MFAP3L: variants seen among roughly 807,000 people sequenced by gnomAD.
The protein encoded by MFAP3L is microfibril associated protein 3 like.
In MFAP3L, 5 loss-of-function variants were observed where a neutral mutation model predicts 20.0. That is an observed-to-expected ratio of 0.25 (90% CI 0.13 to 0.53). The LOEUF is 0.53. MFAP3L is among the 20% of genes least tolerant of loss of function. The pLI, the probability that MFAP3L is intolerant of heterozygous loss-of-function variation, is 0.96. For missense variants in MFAP3L, 409 were observed against 527.5 expected (o/e 0.78, Z 2.20); for synonymous variants, 219 against 213.0 (o/e 1.03, Z -0.25).
At chr4:170,002,019 G>A (rs971520258) in intron 2 of MFAP3L, 5 of 985,328 alleles carry the variant, frequency 5.1e-6, no homozygotes, top group Non-Finnish European at 6.0e-6. Context: ...ATCACAAAGT[G>A]AATGGCAGTG....
chr4:169,999,254 T>C (rs781158831), intron 2 of MFAP3L, among the ~76,000 whole-genome samples: 1 of 152,150 alleles, frequency 6.6e-6, no homozygotes, highest in Non-Finnish European at 1.5e-5. Flanking sequence ...TCTTACATCA[T>C]GTAGAGCGAA....
At chr4:169,999,605 G>A (rs937123705) in intron 2 of MFAP3L, among the ~76,000 whole-genome samples, 12 of 152,094 alleles carry the variant, frequency 7.9e-5, no homozygotes, top group African/African-American at 2.9e-4. Context: ...TCCATTTTGG[G>A]AATCTTAGCT....
rs1393596154 is a variant in MFAP3L, at chr4:169,990,507, T to C, written c.*871A>G. 1 of 152,676 alleles carries C rather than the reference T, an allele frequency of 6.5e-6. No homozygotes were observed. The highest frequency in any genetic ancestry group is 1.5e-5 in the Non-Finnish European group (1 of 68,054). 9.5% of individuals were successfully genotyped at this position (152,676 alleles called of 1,614,324 possible). The stretch of plus-strand genomic sequence containing the variant: ...TCTTTATTTGGAGGATGATGTAACT[T>C]AAACAGTGACTTTCATGGGTGGTGT... On this transcript the variant is annotated 3_prime_UTR_variant, in exon 3 of 3. Coordinates refer to ENST00000361618, the MANE Select transcript of MFAP3L (RefSeq NM_021647.8).
intron 1 of MFAP3L, among the ~76,000 whole-genome samples, chr4:170,008,028 A>G (rs1739155045): frequency 6.6e-6 from 1 of 152,216 alleles, no homozygotes; most frequent in African/African-American, 2.4e-5. Context: ...TCTACGTTCA[A>G]ACACATTGTG....
chr4:169,995,798 A>T (rs1738110394), intron 2 of MFAP3L, among the ~76,000 whole-genome samples: 1 of 152,212 alleles, frequency 6.6e-6, no homozygotes, highest in African/African-American at 2.4e-5. Flanking sequence ...TTATGCACTG[A>T]ATGTTCATGA....
At chr4:170,024,317 G>A (rs1740218134) in intron 1 of MFAP3L, among the ~76,000 whole-genome samples, 1 of 152,058 alleles carries the variant, frequency 6.6e-6, no homozygotes, top group Admixed American at 6.6e-5. Context: ...TCGAGAAGGG[G>A]GCCTATTGAT....
In MFAP3L at chr4:170,016,289, C is replaced by A. The variant is rs144379700; in HGVS notation, c.-134+9945G>T. Among the ~76,000 whole-genome samples the A allele has an allele frequency of 2.0e-5, 3 of 152,314 alleles. No individual in the cohort carries two copies. In the East Asian group the frequency reaches 5.8e-4, roughly 29 times the overall value. On this transcript the variant is annotated intron_variant, in intron 1 of 2. Coordinates refer to ENST00000361618, the MANE Select transcript of MFAP3L (RefSeq NM_021647.8). ...CAGTAGGCCTCTGACAGATTCACAG[C>A]CTCCATATCCAACCTCACTACGCTC...
chr4:170,026,451 T>C (rs1581540790), upstream of MFAP3L: 2 of 235,954 alleles, frequency 8.5e-6, no homozygotes, highest in Non-Finnish European at 6.8e-6. Context: ...GGGCCGAGCA[T>C]GCCCAGTGCG....
intron 2 of MFAP3L, 46 bp downstream of exon 2, chr4:170,005,534 C>A: frequency 6.3e-7 from 1 of 1,581,050 alleles, no homozygotes; most frequent in Non-Finnish European, 8.7e-7. Context: ...CTCCAAAGCT[C>A]CTGTTTATAT....
intron 1 of MFAP3L, chr4:170,007,002 C>G (rs965278101): frequency 3.3e-5 from 5 of 152,156 alleles, no homozygotes; most frequent in African/African-American, 1.2e-4. Context: ...GTCCAAAGAT[C>G]TAACCTTCAC....
At chr4:170,008,913 T>TGC (rs1405457422) in intron 1 of MFAP3L, among the ~76,000 whole-genome samples, 9 of 152,350 alleles carry the variant, frequency 5.9e-5, no homozygotes, top group African/African-American at 1.9e-4. Flanking sequence ...TAATCACGTT[T>TGC]ACACACTTGC....
At chr4:170,002,110 C>G (rs1738670299) in intron 2 of MFAP3L, 2 of 985,340 alleles carry the variant, frequency 2.0e-6, no homozygotes, top group South Asian at 9.4e-5. Flanking sequence ...TGTTCCGGCA[C>G]AAATCCTAAC....
chr4:170,000,865 G>A (rs534442638), intron 2 of MFAP3L, among the ~76,000 whole-genome samples: 31 of 152,190 alleles, frequency 2.0e-4, no homozygotes, highest in African/African-American at 6.7e-4. Flanking sequence ...AGGGACTACA[G>A]GTATGTGCCA....
In MFAP3L at chr4:169,988,368, A is replaced by G. The variant is rs1342211019; in HGVS notation, c.*3010T>C. On this transcript the variant is annotated 3_prime_UTR_variant, in exon 3 of 3. Coordinates refer to ENST00000361618, the MANE Select transcript of MFAP3L (RefSeq NM_021647.8). ...CTAAGTGAATTAAATGTACACACAT[A>G]TGTGAATCATTTTCAGAATTTCAAG... 1 of 152,200 alleles carries G rather than the reference A, an allele frequency of 6.6e-6. No homozygotes were observed. The highest frequency in any genetic ancestry group is 1.5e-5 in the Non-Finnish European group (1 of 68,020). 9.4% of individuals were successfully genotyped at this position (152,200 alleles called of 1,614,324 possible).
At chr4:170,024,992 G>C (rs967469515) in intron 1 of MFAP3L, among the ~76,000 whole-genome samples, 1 of 152,236 alleles carries the variant, frequency 6.6e-6, no homozygotes, top group Non-Finnish European at 1.5e-5. Context: ...TTATAGAAAA[G>C]AGGCTTGAGA....
Position 169,988,899 on chromosome 4 carries a change from C to A in MFAP3L, c.*2479G>T, listed in dbSNP as rs1382966098. On this transcript the variant is annotated 3_prime_UTR_variant, in exon 3 of 3. Transcript: ENST00000361618. The stretch of plus-strand genomic sequence containing the variant: ...GCCGCATATTTCTGCTCTTGCTCCA[C>A]TGAAAATCTGCCCACTTTTAGCTTA... The A allele has an allele frequency of 2.0e-5, 3 of 152,182 alleles. No homozygotes were observed. The highest frequency in any genetic ancestry group is 2.9e-5 in the Non-Finnish European group (2 of 68,034). 9.4% of individuals were successfully genotyped at this position (152,182 alleles called of 1,614,324 possible).
At chr4:170,020,894 T>C (rs1204343690) in intron 1 of MFAP3L, among the ~76,000 whole-genome samples, 1 of 152,112 alleles carries the variant, frequency 6.6e-6, no homozygotes, top group African/African-American at 2.4e-5. Context: ...AATTATCTTT[T>C]TGCACATTTG....
intron 2 of MFAP3L, among the ~76,000 whole-genome samples, chr4:170,000,525 G>A (rs977193507): frequency 6.6e-6 from 1 of 152,108 alleles, no homozygotes; most frequent in African/African-American, 2.4e-5. Flanking sequence ...AAGCATTTAA[G>A]ACTCACAATC....
intron 2 of MFAP3L, among the ~76,000 whole-genome samples, chr4:169,996,169 G>C (rs1344466558): frequency 1.4e-5 from 2 of 138,838 alleles, no homozygotes; most frequent in East Asian, 3.9e-4. Flanking sequence ...GAAATTGCCA[G>C]GGACCTGTCA....
Sources: gnomAD v4.1 joint callset for allele counts (sites outside exome capture counted in the v4.1 genomes callset) on GRCh38, gnomAD v4.1.1 for gene constraint, MANE v1.5 for transcripts, NCBI Gene and HGNC (gene_info 2026-07-23, HGNC 2026-07-21) for gene names.